PTPRK: variants seen among roughly 807,000 people sequenced by gnomAD.
PTPRK encodes the protein receptor-type tyrosine-protein phosphatase kappa.
In PTPRK, 75 loss-of-function variants were observed where a neutral mutation model predicts 178.0. The observed-to-expected ratio is 0.42, with a 90% confidence interval of 0.35 to 0.51. PTPRK has a LOEUF of 0.51. PTPRK is among the 20% of genes least tolerant of loss of function. PTPRK has a pLI of 0.02. For synonymous variants in PTPRK, 637 were observed against 620.6 expected (o/e 1.03, Z -0.39); for missense variants, 1,441 against 1,797.8 (o/e 0.80, Z 3.59).
At chr6:128,233,724 C>T (rs973676194) in intron 5 of PTPRK, among the ~76,000 whole-genome samples, 1 of 152,148 alleles carries the variant, frequency 6.6e-6, no homozygotes, top group Non-Finnish European at 1.5e-5. Context: ...GCACCTGCGG[C>T]GATTACTGAC....
chr6:128,052,381 T>C (rs984434484), intron 13 of PTPRK, among the ~76,000 whole-genome samples: 1 of 152,222 alleles, frequency 6.6e-6, no homozygotes, highest in Non-Finnish European at 1.5e-5. Flanking sequence ...TCTTTGTATC[T>C]AAATGATCTA....
intron 7 of PTPRK, 133 bp downstream of exon 7, chr6:128,184,299 G>A (rs952580024): frequency 2.2e-6 from 2 of 924,436 alleles, no homozygotes; most frequent in Admixed American, 2.8e-5. Flanking sequence ...GATGATTTAT[G>A]TAATTCATTG....
rs1018135060 is a variant in PTPRK at position 127,969,222 on chromosome 6, T to G, written c.*1005A>C. On this transcript the variant is annotated 3_prime_UTR_variant, in exon 30 of 30. Transcript: ENST00000368226. ...TGATGCTTAAAGGCTATGTTCAACA[T>G]TGTGCAAGTTGTCAGCAAGGCCTTT... 1 of 152,214 alleles carries G rather than the reference T, an allele frequency of 6.6e-6. No homozygotes were observed. Among genetic ancestry groups the G allele is most frequent in the Non-Finnish European group, 1.5e-5 (1 of 68,034 alleles). The allele number at this position is 152,214 out of a possible 1,614,324, so 9.4% of individuals were successfully genotyped here.
chr6:128,459,426 C>T (rs1398186169), intron 1 of PTPRK, among the ~76,000 whole-genome samples: 1 of 152,202 alleles, frequency 6.6e-6, no homozygotes, highest in Admixed American at 6.5e-5. Flanking sequence ...TCTCCCACCA[C>T]CTGGATCTCT....
intron 3 of PTPRK, among the ~76,000 whole-genome samples, chr6:128,257,718 T>G (rs1194583617): frequency 6.6e-6 from 1 of 152,194 alleles, no homozygotes; most frequent in Non-Finnish European, 1.5e-5. Flanking sequence ...AATTTCAGAC[T>G]TAAAATAATG....
intron 1 of PTPRK, among the ~76,000 whole-genome samples, chr6:128,414,644 A>G (rs904400683): frequency 2.6e-5 from 4 of 152,290 alleles, no homozygotes; most frequent in Admixed American, 2.0e-4. Context: ...TGTCCAGTTG[A>G]TCTAATGTAA....
intron 7 of PTPRK, among the ~76,000 whole-genome samples, chr6:128,131,721 T>C (rs1023583360): frequency 3.3e-5 from 5 of 152,160 alleles, no homozygotes; most frequent in African/African-American, 1.2e-4. Context: ...AAAAGGGGTA[T>C]CTCCAAACCA....
chr6:128,062,130 T>G (rs1780940854), intron 13 of PTPRK: 1 of 153,178 alleles, frequency 6.5e-6, no homozygotes, highest in Non-Finnish European at 1.5e-5. Context: ...CATACTTGCA[T>G]GTTAGTTTAA....
Position 128,241,940 on chromosome 6 carries a change from C to A in PTPRK, c.577+581G>T, listed in dbSNP as rs142081952. On this transcript the variant is annotated intron_variant, in intron 4 of 29. Coordinates refer to ENST00000368226, the MANE Select transcript of PTPRK (RefSeq NM_002844.4). The stretch of plus-strand genomic sequence containing the variant: ...GGGATTACAGGTGTGCACCACCACG[C>A]CTGGCTAATTTTTTTTTTTTTTTTT... Among the ~76,000 whole-genome samples, 688 of 147,130 alleles carry A rather than the reference C, an allele frequency of 4.7e-3. 4 individuals are homozygous for A. The highest frequency in any genetic ancestry group is 0.017 in the African/African-American group (649 of 38,744).
In PTPRK at chr6:128,108,478, A is replaced by G. The variant is rs151323926; in HGVS notation, c.1163-18486T>C. Among the ~76,000 whole-genome samples the G allele has an allele frequency of 2.5e-3, 374 of 152,302 alleles. 2 individuals are homozygous for G. Among genetic ancestry groups the G allele is most frequent in the Middle Eastern group, 0.01 (3 of 294 alleles). ...GATTTCCCTTGCTAAATTTTACAAA[A>G]GAGGAAATTGACTAACTTACTGATA... On this transcript the variant is annotated intron_variant, in intron 7 of 29. Transcript: ENST00000368226.
At chr6:128,153,761 T>G (rs1797601842) in intron 7 of PTPRK, among the ~76,000 whole-genome samples, 1 of 151,950 alleles carries the variant, frequency 6.6e-6, no homozygotes, top group Non-Finnish European at 1.5e-5. Context: ...AATAAAAACA[T>G]GAAATTCAGC....
At chr6:128,517,370 G>A (rs1463386025) in intron 1 of PTPRK, among the ~76,000 whole-genome samples, 2 of 152,154 alleles carry the variant, frequency 1.3e-5, no homozygotes, top group African/African-American at 4.8e-5. Flanking sequence ...GGTTTCGTCA[G>A]TCATCTAAGT....
rs914226837 is a variant in PTPRK at position 128,265,100 on chromosome 6, T to C, written c.496-22498A>G. Among the ~76,000 whole-genome samples, 10 of 152,228 alleles carry C rather than the reference T, an allele frequency of 6.6e-5. No individual in the cohort carries two copies. In the East Asian group the frequency reaches 1.5e-3, roughly 24 times the overall value. On this transcript the variant is annotated intron_variant, in intron 3 of 29. Coordinates refer to ENST00000368226, the MANE Select transcript of PTPRK (RefSeq NM_002844.4). ...TAATACAAGTGTGTAGAACAGATTT[T>C]AATAGTCACATCTTATAGATACTAA...
In PTPRK at chr6:128,472,137, G is replaced by T. The variant is rs1388332621; in HGVS notation, c.100+48122C>A. Among the ~76,000 whole-genome samples, 88 of 152,114 alleles carry T rather than the reference G, an allele frequency of 5.8e-4. 1 individual carries two copies. ...TCCAAGGCTGCTTCTTCCCTCCAGA[G>T]AGGATAAAGCCAAGTGAAATCAGGT... On this transcript the variant is annotated intron_variant, in intron 1 of 29. Transcript: ENST00000368226.
intron 2 of PTPRK, among the ~76,000 whole-genome samples, chr6:128,348,552 T>A (rs60615252): frequency 0.99 from 151,022 of 152,102 alleles, 74,981 homozygotes; most frequent in East Asian, 1. Flanking sequence ...GTTTACAAAA[T>A]TTTCTGTAAG....
intron 7 of PTPRK, among the ~76,000 whole-genome samples, chr6:128,178,968 C>G (rs1005323594): frequency 6.6e-6 from 1 of 151,900 alleles, no homozygotes; most frequent in Non-Finnish European, 1.5e-5. Context: ...TAGGTGTTGA[C>G]TACCTATACA....
intron 13 of PTPRK, among the ~76,000 whole-genome samples, chr6:128,053,789 G>A (rs1432229343): frequency 1.3e-5 from 2 of 152,188 alleles, no homozygotes; most frequent in African/African-American, 4.8e-5. Flanking sequence ...GACAAGGTCT[G>A]TGGGACCACT....
intron 13 of PTPRK, among the ~76,000 whole-genome samples, chr6:128,063,744 C>T (rs1781273032): frequency 6.6e-6 from 1 of 151,992 alleles, no homozygotes; most frequent in African/African-American, 2.4e-5. Context: ...TTTTCTCTTC[C>T]ATAAAGCTTC....
At chr6:128,392,464 G>A (rs1839728368) in intron 2 of PTPRK, among the ~76,000 whole-genome samples, 2 of 152,056 alleles carry the variant, frequency 1.3e-5, no homozygotes, top group Non-Finnish European at 2.9e-5. Flanking sequence ...AAAATAAAAA[G>A]CAGTTATAAT....
Sources: allele counts gnomAD v4.1 joint callset (sites outside exome capture counted in the v4.1 genomes callset), GRCh38; gene constraint gnomAD v4.1.1; transcripts MANE v1.5; gene names NCBI Gene and HGNC (gene_info 2026-07-23, HGNC 2026-07-21).